GRM1: variants seen among roughly 807,000 people sequenced by gnomAD.
GRM1 encodes the protein glutamate metabotropic receptor 1.
A neutral mutation model predicts 90.9 loss-of-function variants in GRM1; 33 were observed. That is an observed-to-expected ratio of 0.36 (90% CI 0.28 to 0.49). The LOEUF is 0.49. Among genes scored for constraint, GRM1 ranks in the 20% least tolerant of loss-of-function variants. The pLI, the probability that GRM1 is intolerant of heterozygous loss-of-function variation, is 0.99. For synonymous variants in GRM1, 700 were observed against 613.2 expected, an observed-to-expected ratio of 1.14 and a Z score of -2.09; for missense variants, 1,190 against 1,534.3, an observed-to-expected ratio of 0.78 and a Z score of 3.75.
At position 146,146,103 on chromosome 6, in the gene GRM1, C is replaced by CTTTTT. The variant is rs35329703; in HGVS notation, c.701-13213_701-13209dup. On this transcript the variant is annotated intron_variant, in intron 1 of 7. Coordinates refer to ENST00000282753, the MANE Select transcript of GRM1 (RefSeq NM_001278064.2). ...CTGTGCCTATGTACTACCATTGTAT[C>CTTTTT]TTTTTTTTTTTTTTTTTTTTTTTTT... is the stretch of plus-strand genomic sequence containing the variant. Among the ~76,000 whole-genome samples, 15 of 19,948 alleles carry CTTTTT rather than the reference C, an allele frequency of 7.5e-4. 6 individuals carry two copies. Among genetic ancestry groups the CTTTTT allele is most frequent in the Non-Finnish European group, 1.4e-3 (13 of 9,432 alleles). The allele number at this position is 19,948 out of a possible 152,430, so 13.1% of individuals were successfully genotyped here.
At chr6:146,185,035 G>T (rs1241410514) in intron 2 of GRM1, among the ~76,000 whole-genome samples, 1 of 152,116 alleles carries the variant, frequency 6.6e-6, no homozygotes, top group Non-Finnish European at 1.5e-5. Context: ...TCAACAAAAG[G>T]TCAGCTTATT....
At chr6:146,270,873 CTT>C (rs1252482144) in intron 2 of GRM1, among the ~76,000 whole-genome samples, 3 of 85,872 alleles carry the variant, frequency 3.5e-5, no homozygotes, top group Admixed American at 1.2e-4. Context: ...TTCTTTCTTT[CTT>C]TCTTTCTTTC....
chr6:146,426,493 T>C, intron 7 of GRM1: 1 of 1,465,710 alleles, frequency 6.8e-7, no homozygotes, highest in Non-Finnish European at 9.4e-7. Context: ...AGTGGTGGAC[T>C]TGCCATATCT....
chr6:146,149,109 T>A (rs1367575656), intron 1 of GRM1, among the ~76,000 whole-genome samples: 3 of 152,218 alleles, frequency 2.0e-5, no homozygotes, highest in African/African-American at 7.2e-5. Context: ...ATGAAGTGGA[T>A]CATTGTATGA....
intron 1 of GRM1, among the ~76,000 whole-genome samples, chr6:146,066,578 G>A (rs1221345940): frequency 6.6e-6 from 1 of 152,062 alleles, no homozygotes; most frequent in East Asian, 1.9e-4. Flanking sequence ...ACCAGTAGTG[G>A]GATTGCTGGG....
At position 146,156,143 on chromosome 6, in the gene GRM1, T is replaced by C. The variant is rs550266472; in HGVS notation, c.701-3205T>C. ...TCTATCGGCCAGGCACAGTGACTCA[T>C]GCCTGTAATCCCAGCACTTTGGGAG... On this transcript the variant is annotated intron_variant, in intron 1 of 7. Transcript: ENST00000282753. Among the ~76,000 whole-genome samples the C allele has an allele frequency of 1.9e-3, 288 of 152,234 alleles. 3 individuals carry two copies. The highest frequency in any genetic ancestry group is 6.6e-3 in the African/African-American group (276 of 41,544).
At chr6:146,367,513 T>C (rs1775737675) in intron 5 of GRM1, among the ~76,000 whole-genome samples, 1 of 152,132 alleles carries the variant, frequency 6.6e-6, no homozygotes, top group African/African-American at 2.4e-5. Flanking sequence ...GGTGTAGGGA[T>C]GATCCAGTGG....
intron 3 of GRM1, among the ~76,000 whole-genome samples, chr6:146,347,265 G>A (rs1043144307): frequency 1.3e-5 from 2 of 152,184 alleles, no homozygotes; most frequent in African/African-American, 2.4e-5. Context: ...CTGCTGCTGC[G>A]TGCATGCACA....
rs118040027 is a variant in GRM1, at chr6:146,258,077, G to A, written c.951-46534G>A. On this transcript the variant is annotated intron_variant, in intron 2 of 7. Transcript: ENST00000282753. ...CTGCCCAGCAGTTACTGTTGTATGA[G>A]CAATTTTCTTCAGGTTTTCAGGTTG... Among the ~76,000 whole-genome samples the A allele has an allele frequency of 7.3e-4, 111 of 152,140 alleles. No homozygotes were observed. In the East Asian group the frequency reaches 0.02, roughly 28 times the overall value.
Position 146,159,580 on chromosome 6 carries a change from G to A in GRM1, c.933G>A (p.Glu311=). ...SAMRRLGVVG[E]FSLIGSDGWA... is the part of the protein sequence containing the mutation. The stretch of plus-strand genomic sequence containing the variant: ...TGCGGCGCCTTGGCGTCGTGGGCGA[G>A]TTCTCACTCATTGGAAGGTAAGTTT... The change falls in exon 2 of 8, where the codon GAG becomes GAA. Residue 311 remains glutamate, a synonymous_variant. Transcript: ENST00000282753. The A allele has an allele frequency of 6.2e-7, 1 of 1,612,184 alleles. No homozygotes were observed. The highest frequency in any genetic ancestry group is 1.1e-5 in the South Asian group (1 of 91,016).
chr6:146,264,075 A>C (rs969273031), intron 2 of GRM1, among the ~76,000 whole-genome samples: 1 of 152,170 alleles, frequency 6.6e-6, no homozygotes, highest in Non-Finnish European at 1.5e-5. Flanking sequence ...TGATAAATCA[A>C]GGAATTCAAT....
At chr6:146,182,735 T>A (rs1479003445) in intron 2 of GRM1, among the ~76,000 whole-genome samples, 1 of 152,132 alleles carries the variant, frequency 6.6e-6, no homozygotes, top group African/African-American at 2.4e-5. Context: ...TGAGATGCAG[T>A]AATTTACAAC....
At chr6:146,428,995 A>G (rs924017407) in intron 7 of GRM1, among the ~76,000 whole-genome samples, 3 of 152,188 alleles carry the variant, frequency 2.0e-5, no homozygotes, top group African/African-American at 7.2e-5. Context: ...TGAAGAAAGC[A>G]CAGGTCTTAA....
intron 2 of GRM1, among the ~76,000 whole-genome samples, chr6:146,193,534 CA>C (rs1158026199): frequency 6.6e-6 from 1 of 152,086 alleles, no homozygotes; most frequent in African/African-American, 2.4e-5. Context: ...CAGTGGATCA[CA>C]AGGTGGAGAT....
chr6:146,403,805 T>C (rs1377795307), intron 7 of GRM1, among the ~76,000 whole-genome samples: 2 of 152,104 alleles, frequency 1.3e-5, no homozygotes, highest in Non-Finnish European at 1.5e-5. Flanking sequence ...TGTCTATAGC[T>C]CTGCTAAATT....
At chr6:146,330,932 C>G (rs368291965) in intron 3 of GRM1, among the ~76,000 whole-genome samples, 1 of 152,138 alleles carries the variant, frequency 6.6e-6, no homozygotes, top group African/African-American at 2.4e-5. Flanking sequence ...TCACATGATT[C>G]TATAACTAAC....
intron 2 of GRM1, among the ~76,000 whole-genome samples, chr6:146,284,220 T>C (rs1339985414): frequency 1.3e-5 from 2 of 152,216 alleles, no homozygotes; most frequent in African/African-American, 4.8e-5. Flanking sequence ...TTATTACTAT[T>C]AGTAATAATA....
chr6:146,391,754 G>A (rs362923), intron 6 of GRM1, among the ~76,000 whole-genome samples: 1 of 152,010 alleles, frequency 6.6e-6, no homozygotes, highest in Non-Finnish European at 1.5e-5. Context: ...AAACTTTTAA[G>A]AAACTTACTC....
chr6:146,117,061 T>A (rs1439953203), intron 1 of GRM1, among the ~76,000 whole-genome samples: 1 of 151,644 alleles, frequency 6.6e-6, no homozygotes, highest in African/African-American at 2.4e-5. Context: ...ATTTTTGGTG[T>A]GTTTATTTTA....
Sources: allele counts gnomAD v4.1 joint callset (sites outside exome capture counted in the v4.1 genomes callset), GRCh38; gene constraint gnomAD v4.1.1; transcripts MANE v1.5; gene names NCBI Gene and HGNC (gene_info 2026-07-23, HGNC 2026-07-21).